SPINK6: variants seen among roughly 807,000 people sequenced by gnomAD.
The protein encoded by SPINK6 is serine protease inhibitor Kazal-type 6.
Under a neutral mutation model 11.7 loss-of-function variants are expected in SPINK6, and 13 were observed. That is an observed-to-expected ratio of 1.11 (90% confidence interval 0.72 to 1.76). The LOEUF is 1.76. Among genes scored for constraint, SPINK6 ranks in the 40% most tolerant of loss-of-function variants. The pLI is 0.00. For missense variants in SPINK6, 98 were observed against 93.7 expected (o/e 1.05, Z -0.19); for synonymous variants, 21 against 31.9 (o/e 0.66, Z 1.15).
chr5:148,214,062 C>A, intron 3 of SPINK6, 37 bp downstream of exon 3: 1 of 1,268,420 alleles, frequency 7.9e-7, no homozygotes, highest in Non-Finnish European at 1.1e-6. Context: ...CCCTTGCAAA[C>A]ACAAACTTCC....
intron 2 of SPINK6, among the ~76,000 whole-genome samples, chr5:148,212,488 A>ATG (rs1350458579): frequency 2.3e-5 from 2 of 87,964 alleles, no homozygotes; most frequent in East Asian, 5.9e-4. Context: ...TTTTATATAT[A>ATG]TATATATATA....
In SPINK6 at chr5:148,205,940, T is replaced by A. The variant is rs111467051; in HGVS notation, c.59-96T>A. On this transcript the variant is annotated intron_variant, in intron 1 of 3. Transcript: ENST00000325630. ...ACGATGACTTTTTAAGATAGCCAAG[T>A]ACCAGGAGTAGATATTAGGAATTTC... 1.0e-5 allele frequency: 13 copies of A among 1,260,784 alleles called. No individual in the cohort carries two copies. In the African/African-American group the frequency reaches 1.1e-4, roughly 10 times the overall value. 78.1% of individuals were successfully genotyped at this position (1,260,784 alleles called of 1,614,324 possible).
intron 2 of SPINK6, among the ~76,000 whole-genome samples, chr5:148,208,471 A>C (rs75412483): frequency 0.013 from 1,987 of 152,312 alleles, 48 homozygotes; most frequent in African/African-American, 0.046. Flanking sequence ...ACACTGAAGT[A>C]ATTCTTCTCA....
chr5:148,210,031 C>T lies in SPINK6; in HGVS notation c.82-3879C>T, dbSNP rs536251958. ...ACATGTATGTACGCATGTACGCATG[C>T]ACAAACGTATGTATGCATATATGTA... On this transcript the variant is annotated intron_variant, in intron 2 of 3. Coordinates refer to ENST00000325630, the MANE Select transcript of SPINK6 (RefSeq NM_205841.4). Among the ~76,000 whole-genome samples the T allele has an allele frequency of 1.7e-3, 36 of 20,804 alleles. 2 individuals carry two copies. The South Asian group carries it at 0.043, about 25-fold the overall frequency. 13.6% of individuals were successfully genotyped at this position (20,804 alleles called of 152,430 possible).
intron 3 of SPINK6, 39 bp downstream of exon 3, chr5:148,214,064 C>G (rs781083568): frequency 2.4e-6 from 3 of 1,268,690 alleles, no homozygotes; most frequent in Non-Finnish European, 3.4e-6. Context: ...CTTGCAAACA[C>G]AAACTTCCAT....
chr5:148,204,078 T>C (rs566450481), intron 1 of SPINK6, among the ~76,000 whole-genome samples: 118 of 152,222 alleles, frequency 7.8e-4, no homozygotes, highest in African/African-American at 2.7e-3. Flanking sequence ...TTATGTATCA[T>C]TTTGTGTGAC....
At chr5:148,211,336 C>T (rs1407380908) in intron 2 of SPINK6, among the ~76,000 whole-genome samples, 4 of 152,124 alleles carry the variant, frequency 2.6e-5, no homozygotes, top group Non-Finnish European at 4.4e-5. Flanking sequence ...AATCTTGAAC[C>T]ATCAAAGCTA....
chr5:148,212,886 TTTAG>T (rs1221900509), intron 2 of SPINK6, among the ~76,000 whole-genome samples: 1 of 143,776 alleles, frequency 7.0e-6, no homozygotes, highest in Non-Finnish European at 1.5e-5. Flanking sequence ...AGTAGATATA[TTTAG>T]TATCTATATG....
chr5:148,203,268 A>T, intron 1 of SPINK6, 114 bp downstream of exon 1: 1 of 713,828 alleles, frequency 1.4e-6, no homozygotes, highest in Non-Finnish European at 2.3e-6. Context: ...CAATTCTGAG[A>T]GATTATCATA....
intron 2 of SPINK6, among the ~76,000 whole-genome samples, chr5:148,209,643 G>A (rs1312018387): frequency 6.6e-6 from 1 of 152,048 alleles, no homozygotes; most frequent in Non-Finnish European, 1.5e-5. Context: ...CTCTCACCCA[G>A]CCGAAATTAA....
chr5:148,213,819 G>A (rs1225081581), intron 2 of SPINK6, 91 bp from the exon 3 acceptor site: 4 of 670,754 alleles, frequency 6.0e-6, no homozygotes, highest in Non-Finnish European at 1.1e-5. Flanking sequence ...ATTTATATAT[G>A]GTTTTTAAAG....
intron 2 of SPINK6, among the ~76,000 whole-genome samples, chr5:148,209,997 C>CGTACATACGTACGTATGTAT (rs1489201046): frequency 1.4e-5 from 2 of 145,992 alleles, no homozygotes; most frequent in East Asian, 4.2e-4. Flanking sequence ...TACATATACA[C>CGTACATACGTACGTATGTAT]GTATGTATAC....
At chr5:148,204,957 A>G (rs1755479075) in intron 1 of SPINK6, among the ~76,000 whole-genome samples, 1 of 152,106 alleles carries the variant, frequency 6.6e-6, no homozygotes, top group African/African-American at 2.4e-5. Context: ...CTGTCCAGGA[A>G]CTCTCTGGTT....
rs1755664377 is a variant in SPINK6 at position 148,215,082 on chromosome 5, AATGT to A, written c.*137_*140del. ...ACTCTGCCTGGGTCTTGAGGAGTTCAATGTATGTCTATTTCTCTTGATTCACTTG... is the reference window on the plus strand; with the variant it reads ...ACTCTGCCTGGGTCTTGAGGAGTTCAATGTCTATTTCTCTTGATTCACTTG... On this transcript the variant is annotated 3_prime_UTR_variant, in exon 4 of 4. Transcript: ENST00000325630. The A allele has an allele frequency of 1.4e-6, 1 of 696,656 alleles. No homozygotes were observed. The highest frequency in any genetic ancestry group is 2.4e-6 in the Non-Finnish European group (1 of 408,640). The allele number at this position is 696,656 out of a possible 1,614,324, so 43.2% of individuals were successfully genotyped here.
In SPINK6 at chr5:148,215,051, A is replaced by G; in HGVS notation, c.*101A>G. ...GTGGATTCCTTTAATTCATAAAGAC[A>G]TACCTACTCTGCCTGGGTCTTGAGG... is the stretch of plus-strand genomic sequence containing the variant. On this transcript the variant is annotated 3_prime_UTR_variant, in exon 4 of 4. Coordinates refer to ENST00000325630, the MANE Select transcript of SPINK6 (RefSeq NM_205841.4). 8.9e-7 allele frequency: 1 copy of G among 1,129,922 alleles called. No individual in the cohort carries two copies. Among genetic ancestry groups the G allele is most frequent in the South Asian group, 1.3e-5 (1 of 78,106 alleles). The allele number at this position is 1,129,922 out of a possible 1,614,324, so 70.0% of individuals were successfully genotyped here.
At chr5:148,207,922 T>A (rs1755521641) in intron 2 of SPINK6, among the ~76,000 whole-genome samples, 1 of 152,160 alleles carries the variant, frequency 6.6e-6, no homozygotes, top group South Asian at 2.1e-4. Context: ...TCCCCAGGCA[T>A]CATGCAAGAC....
At chr5:148,210,035 A>T (rs13154875) in intron 2 of SPINK6, among the ~76,000 whole-genome samples, 7 of 136,912 alleles carry the variant, frequency 5.1e-5, no homozygotes, top group Non-Finnish European at 9.4e-5. Context: ...CGCATGCACA[A>T]ACGTATGTAT....
chr5:148,203,497 G>A (rs182442417), intron 1 of SPINK6, among the ~76,000 whole-genome samples: 1 of 152,258 alleles, frequency 6.6e-6, no homozygotes, highest in African/African-American at 2.4e-5. Context: ...CTAGTAGTTA[G>A]AATCTGGAAT....
intron 2 of SPINK6, among the ~76,000 whole-genome samples, chr5:148,207,857 A>C (rs1446908663): frequency 6.6e-6 from 1 of 152,128 alleles, no homozygotes; most frequent in African/African-American, 2.4e-5. Flanking sequence ...GATGGGCCAA[A>C]GTCTTATAGT....
Sources: gnomAD v4.1 joint callset for allele counts (sites outside exome capture counted in the v4.1 genomes callset) on GRCh38, gnomAD v4.1.1 for gene constraint, MANE v1.5 for transcripts, NCBI Gene and HGNC (gene_info 2026-07-23, HGNC 2026-07-21) for gene names.